NCAM2: variants seen among roughly 807,000 people sequenced by gnomAD.
NCAM2 encodes the protein N-CAM-2.
Under a neutral mutation model 98.1 loss-of-function variants are expected in NCAM2, and 30 were observed. The ratio of observed to expected loss-of-function variants is 0.31; its 90% CI spans 0.23 to 0.41. NCAM2 has a LOEUF of 0.41. Among genes scored for constraint, NCAM2 ranks in the 10% least tolerant of loss-of-function variants. NCAM2 has a pLI of 1.00. For missense variants in NCAM2, 867 were observed against 1,005.8 expected, an observed-to-expected ratio of 0.86 and a Z score of 1.87; for synonymous variants, 368 against 342.4, an observed-to-expected ratio of 1.07 and a Z score of -0.83.
intron 1 of NCAM2, among the ~76,000 whole-genome samples, chr21:21,162,207 C>T (rs1419089553): frequency 6.6e-6 from 1 of 152,046 alleles, no homozygotes; most frequent in Non-Finnish European, 1.5e-5. Context: ...GAAGGATTTA[C>T]TTCACACAGA....
intron 10 of NCAM2, among the ~76,000 whole-genome samples, chr21:21,411,079 T>TATATATGTATATATATAC (rs1569033364): frequency 1.6e-5 from 1 of 61,266 alleles, no homozygotes; most frequent in Non-Finnish European, 2.9e-5. Flanking sequence ...TACACACACA[T>TATATATGTATATATATAC]ATATATATGT....
At chr21:21,168,029 GCATAAA>G (rs950733308) in intron 1 of NCAM2, among the ~76,000 whole-genome samples, 9 of 151,858 alleles carry the variant, frequency 5.9e-5, no homozygotes, top group African/African-American at 2.2e-4. Flanking sequence ...CCAACATAGC[GCATAAA>G]CATAGACGCA....
intron 9 of NCAM2, among the ~76,000 whole-genome samples, chr21:21,388,457 G>A (rs1215759129): frequency 6.6e-6 from 1 of 152,120 alleles, no homozygotes; most frequent in Admixed American, 6.6e-5. Flanking sequence ...AATTCAAGAG[G>A]CAGCGCAGAG....
chr21:21,355,302 G>A (rs999570593), intron 8 of NCAM2, among the ~76,000 whole-genome samples: 4 of 151,300 alleles, frequency 2.6e-5, no homozygotes, highest in African/African-American at 9.7e-5. Flanking sequence ...GAGCCTGGTG[G>A]TGTGCACCTG....
chr21:21,331,510 T>TATATATATATATATATATATATATA (rs1441524860), intron 6 of NCAM2, among the ~76,000 whole-genome samples: 1 of 1,060 alleles, frequency 9.4e-4, no homozygotes, highest in African/African-American at 2.0e-3. Flanking sequence ...CTCTATACTC[T>TATATATATATATATATATATATATA]CTCTCTCTAT....
At chr21:21,182,520 C>A (rs1448169841) in intron 1 of NCAM2, among the ~76,000 whole-genome samples, 1 of 152,112 alleles carries the variant, frequency 6.6e-6, no homozygotes, top group Non-Finnish European at 1.5e-5. Flanking sequence ...CTTTGATATT[C>A]ATCTCTATTA....
intron 12 of NCAM2, among the ~76,000 whole-genome samples, chr21:21,452,778 G>A (rs1371151756): frequency 2.6e-5 from 2 of 75,622 alleles, no homozygotes; most frequent in Non-Finnish European, 4.8e-5. Context: ...TTAAAATATA[G>A]TATTACTTTA....
chr21:21,176,487 G>T (rs2068294370), intron 1 of NCAM2, among the ~76,000 whole-genome samples: 2 of 151,896 alleles, frequency 1.3e-5, no homozygotes, highest in Admixed American at 1.3e-4. Flanking sequence ...TTCTTGCCTA[G>T]TATCAATCTA....
rs146725027 is a variant in NCAM2 at position 21,069,499 on chromosome 21, CATAGT to C, written c.55+70888_55+70892del. Among the ~76,000 whole-genome samples the C allele has an allele frequency of 9.1e-3, 1,387 of 152,208 alleles. 19 individuals are homozygous for C. Among genetic ancestry groups the C allele is most frequent in the African/African-American group, 0.031 (1,291 of 41,526 alleles). The stretch of plus-strand genomic sequence containing the variant: ...AAAATGTTTTCTGTCATAGACTACC[CATAGT>C]ATAGTAATACCTCTTTGCCACAGGT... On this transcript the variant is annotated intron_variant, in intron 1 of 17. Coordinates refer to ENST00000400546, the MANE Select transcript of NCAM2 (RefSeq NM_004540.5).
Position 21,468,840 on chromosome 21 carries a change from G to T in NCAM2, c.1896+57G>T, listed in dbSNP as rs1291117662. 4.1e-6 allele frequency: 6 copies of T among 1,467,254 alleles called. No homozygotes were observed. In the African/African-American group the frequency reaches 7.0e-5, roughly 17 times the overall value. 90.9% of individuals were successfully genotyped at this position (1,467,254 alleles called of 1,614,324 possible). On this transcript the variant is annotated intron_variant, in intron 14 of 17. Coordinates refer to ENST00000400546, the MANE Select transcript of NCAM2 (RefSeq NM_004540.5). ...AGGTTTTTTCAAATTAAATTGAGTT[G>T]CACTGAATTTATAAACATATCAGGA...
intron 12 of NCAM2, among the ~76,000 whole-genome samples, chr21:21,460,958 G>T (rs547775773): frequency 6.6e-6 from 1 of 151,744 alleles, no homozygotes; most frequent in South Asian, 2.1e-4. Context: ...AAAAGTTTGT[G>T]GCAGAAAAAG....
chr21:21,058,669 A>ATTTTTTTTTTT (rs59289753), intron 1 of NCAM2, among the ~76,000 whole-genome samples: 1 of 144,852 alleles, frequency 6.9e-6, no homozygotes, highest in Non-Finnish European at 1.5e-5. Context: ...TTCACACAGG[A>ATTTTTTTTTTT]TTTTTTTTTT....
chr21:21,114,072 A>G (rs1201490505), intron 1 of NCAM2, among the ~76,000 whole-genome samples: 7 of 152,152 alleles, frequency 4.6e-5, no homozygotes, highest in African/African-American at 7.2e-5. Context: ...GTGAATGTAT[A>G]TGTTCTCAAT....
intron 5 of NCAM2, among the ~76,000 whole-genome samples, chr21:21,294,774 A>G (rs2073415927): frequency 6.6e-6 from 1 of 150,916 alleles, no homozygotes; most frequent in South Asian, 2.1e-4. Flanking sequence ...AGTCTTATTG[A>G]CTTTCACCCT....
chr21:21,378,326 TC>T (rs2076077760), intron 9 of NCAM2, among the ~76,000 whole-genome samples: 1 of 152,052 alleles, frequency 6.6e-6, no homozygotes, highest in Non-Finnish European at 1.5e-5. Context: ...TTTATCTACT[TC>T]CTCTTCAGTA....
intron 1 of NCAM2, among the ~76,000 whole-genome samples, chr21:21,177,158 T>C: frequency 6.6e-6 from 1 of 152,224 alleles, no homozygotes; most frequent in Admixed American, 6.5e-5. Context: ...ATTCAAGAAA[T>C]CTTTAGATAC....
intron 8 of NCAM2, among the ~76,000 whole-genome samples, chr21:21,341,592 T>G (rs1370180872): frequency 6.6e-6 from 1 of 152,132 alleles, no homozygotes; most frequent in African/African-American, 2.4e-5. Flanking sequence ...TAGTGAAATA[T>G]CATAAATGTC....
At chr21:21,165,142 G>A (rs1334109593) in intron 1 of NCAM2, among the ~76,000 whole-genome samples, 1 of 152,098 alleles carries the variant, frequency 6.6e-6, no homozygotes, top group African/African-American at 2.4e-5. Context: ...CAGATCAAAA[G>A]GGCAAAGGGA....
At chr21:21,180,026 G>A (rs78870443) in intron 1 of NCAM2, among the ~76,000 whole-genome samples, 123 of 152,302 alleles carry the variant, frequency 8.1e-4, no homozygotes, top group African/African-American at 2.9e-3. Flanking sequence ...GACTGTTGGT[G>A]CCACTTGCCA....
Sources: allele counts gnomAD v4.1 joint callset (sites outside exome capture counted in the v4.1 genomes callset), GRCh38; gene constraint gnomAD v4.1.1; transcripts MANE v1.5; gene names NCBI Gene and HGNC (gene_info 2026-07-23, HGNC 2026-07-21).